The following BCAM variants were observed in gnomAD, a reference collection of about 807,000 sequenced individuals.
BCAM encodes basal cell adhesion molecule.
BCAM carries 61 observed loss-of-function variants against 72.4 expected under a neutral mutation model. The ratio of observed to expected loss-of-function variants is 0.84; its 90% CI spans 0.69 to 1.04. The LOEUF (loss-of-function observed/expected upper bound fraction) is 1.04. BCAM is among the 50% of genes least tolerant of loss of function. BCAM has a pLI of 0.00. For missense variants in BCAM, 909 were observed against 895.0 expected (o/e 1.02, Z -0.20); for synonymous variants, 408 against 384.2 (o/e 1.06, Z -0.73).
rs963419542 is a variant in BCAM at position 44,819,501 on chromosome 19, G to A, written c.1618+11G>A. On this transcript the variant is annotated intron_variant, in intron 12 of 14. Transcript: ENST00000270233. ...TCCACTTCGGCACCGGTGAGTGACTGAGGTGGTGGCAGAGGAGCCGGGTGT... is the reference window on the plus strand; with the variant it reads ...TCCACTTCGGCACCGGTGAGTGACTAAGGTGGTGGCAGAGGAGCCGGGTGT... The A allele has an allele frequency of 6.2e-7, 1 of 1,613,896 alleles. No homozygotes were observed. Among genetic ancestry groups the A allele is most frequent in the African/African-American group, 1.3e-5 (1 of 75,014 alleles).
At chr19:44,816,135 T>C (rs990325665) in intron 8 of BCAM, among the ~76,000 whole-genome samples, 3 of 151,898 alleles carry the variant, frequency 2.0e-5, no homozygotes, top group African/African-American at 4.8e-5. Flanking sequence ...CTGGCCAACA[T>C]AGTGAAACCC....
In BCAM at chr19:44,814,149, T is replaced by C; in HGVS notation, c.785-3T>C. ...AATTCCCATCTCCCTGCCCTTCCCT[T>C]AGATCCCACGGAGCACGTGCAGTTC... On this transcript the variant is annotated splice_polypyrimidine_tract_variant and splice_region_variant and intron_variant, in intron 6 of 14. Transcript: ENST00000270233. This position sits in a 1 kb window ranked among gnomAD's most constrained non-coding sequence, Gnocchi z 4.6. The C allele has an allele frequency of 6.3e-7, 1 of 1,579,522 alleles. No homozygotes were observed. The highest frequency in any genetic ancestry group is 8.5e-7 in the Non-Finnish European group (1 of 1,170,202).
chr19:44,809,726 G>A (rs576417677), intron 1 of BCAM, among the ~76,000 whole-genome samples: 3 of 152,172 alleles, frequency 2.0e-5, no homozygotes, highest in Admixed American at 6.6e-5. Flanking sequence ...TAAAGAACCC[G>A]CCTCCCTCAG....
In BCAM at chr19:44,813,459, C is replaced by G. The variant is rs779988721; in HGVS notation, c.623C>G (p.Thr208Arg). The stretch of plus-strand genomic sequence containing the variant: ...CCAGAGGGCTACATGACCAGCCGCA[C>G]GGTCCGGGAGGCCTCGGGCCTGCTC... ...MNPEGYMTSR[T>R]VREASGLLSL... The change falls in exon 6 of 15, where the codon ACG becomes AGG. Residue 208 changes from threonine to arginine, a missense_variant. By Grantham distance (71) the Thr-to-Arg change is moderately conservative. Transcript: ENST00000270233. The surrounding 1 kb of genome is among the most constrained non-coding windows in gnomAD (Gnocchi z 4.2). 3 of 1,611,304 alleles carry G rather than the reference C, an allele frequency of 1.9e-6. No individual in the cohort carries two copies. In the African/African-American group the frequency reaches 4.0e-5, roughly 22 times the overall value.
chr19:44,812,261 A>G lies in BCAM; in HGVS notation c.303A>G (p.Pro101=), dbSNP rs1332540040. 1 of 1,610,492 alleles carries G rather than the reference A, an allele frequency of 6.2e-7. No individual in the cohort carries two copies. Among genetic ancestry groups the G allele is most frequent in the South Asian group, 1.1e-5 (1 of 90,960 alleles). The change falls in exon 3 of 15, where the codon CCA becomes CCG. Residue 101 remains proline (P), a synonymous_variant. Coordinates refer to ENST00000270233, the MANE Select transcript of BCAM (RefSeq NM_005581.5). This position sits in a 1 kb window ranked among gnomAD's most constrained non-coding sequence, Gnocchi z 5.3. ...ACGACACCCGGGGCCGCAGTCCCCCATACCAGCTGGACTCCCAGGGGCGCC... is the reference window on the plus strand; with the variant it reads ...ACGACACCCGGGGCCGCAGTCCCCCGTACCAGCTGGACTCCCAGGGGCGCC... ...TMHDTRGRSP[P]YQLDSQGRLV... is the part of the protein sequence containing the mutation.
chr19:44,812,741 G>A lies in BCAM; in HGVS notation c.504+193G>A. ...GAGGCAGGCGGATCACCTGAGGTCA[G>A]GAGTTCCAGACCAGCCTGGCCAACA... On this transcript the variant is annotated intron_variant, in intron 4 of 14. Coordinates refer to ENST00000270233, the MANE Select transcript of BCAM (RefSeq NM_005581.5). The surrounding 1 kb of genome is among the most constrained non-coding windows in gnomAD (Gnocchi z 5.3). 1 of 620,558 alleles carries A rather than the reference G, an allele frequency of 1.6e-6. No individual in the cohort carries two copies. Among genetic ancestry groups the A allele is most frequent in the South Asian group, 2.0e-5 (1 of 50,592 alleles). The allele number at this position is 620,558 out of a possible 1,614,324, so 38.4% of individuals were successfully genotyped here.
chr19:44,811,280 A>G lies in BCAM; in HGVS notation c.138A>G (p.Gly46=), dbSNP rs1434388523. 2 of 1,613,206 alleles carry G rather than the reference A, an allele frequency of 1.2e-6. No individual in the cohort carries two copies. The highest frequency in any genetic ancestry group is 8.5e-7 in the Non-Finnish European group (1 of 1,179,926). Reference sequence around the variant, plus strand: ...CCCCGCTGGTGGAGGTGATGCGAGGAAAGTCTGTCATTCTGGACTGCACCC... The same window carrying G: ...CCCCGCTGGTGGAGGTGATGCGAGGGAAGTCTGTCATTCTGGACTGCACCC... The part of the protein sequence containing the change: ...SVPPLVEVMR[G]KSVILDCTPT... Residue 46 remains glycine, a synonymous_variant, in exon 2 of 15, where the codon GGA becomes GGG. Transcript: ENST00000270233.
At chr19:44,811,482 C>T (rs1968419156) in intron 2 of BCAM, 136 bp downstream of exon 2, 9 of 1,452,926 alleles carry the variant, frequency 6.2e-6, no homozygotes, top group Middle Eastern at 1.9e-4. Context: ...CTGAGTCCCA[C>T]TGAGGGGAAG....
Position 44,812,165 on chromosome 19 carries a change from C to A in BCAM, c.207C>A (p.Thr69=), listed in dbSNP as rs1251047100. 1 of 1,599,092 alleles carries A rather than the reference C, an allele frequency of 6.3e-7. No homozygotes were observed. Among genetic ancestry groups the A allele is most frequent in the Non-Finnish European group, 8.5e-7 (1 of 1,176,466 alleles). ...GAGAGCCTGCCCCGCGCCCACAGAC[C>A]GACCGCTCGGGAGCTCGCCCCCGCC... ...HDHYMLEWFL[T]DRSGARPRLA... Residue 69 remains threonine (T), a splice_region_variant and synonymous_variant, in exon 3 of 15, where the codon ACC becomes ACA. Transcript: ENST00000270233. The surrounding 1 kb of genome is among the most constrained non-coding windows in gnomAD (Gnocchi z 5.3).
In BCAM at chr19:44,819,138, C is replaced by T; in HGVS notation, c.1419C>T (p.Cys473=). 6.2e-7 allele frequency: 1 copy of T among 1,614,152 alleles called. No individual in the cohort carries two copies. The highest frequency in any genetic ancestry group is 8.5e-7 in the Non-Finnish European group (1 of 1,180,002). Residue 473 remains cysteine, a synonymous_variant, in exon 11 of 15, where the codon TGC becomes TGT. Transcript: ENST00000270233. ...WREGDEVTLI[C]SARGHPDPKL... ...AAGGAGACGAAGTCACACTCATCTG[C>T]TCTGCCCGCGGCCATCCAGACCCCA...
At position 44,813,729 on chromosome 19, in the gene BCAM, T is replaced by G; in HGVS notation, c.784+109T>G. On this transcript the variant is annotated intron_variant, in intron 6 of 14. Transcript: ENST00000270233. The surrounding 1 kb of genome is among the most constrained non-coding windows in gnomAD (Gnocchi z 4.2). The stretch of plus-strand genomic sequence containing the variant: ...CCCTCTGACCCTCTGCCTCCCTACT[T>G]CATGCTAAAAAAAAATGTGCTAGTG... 7.1e-7 allele frequency: 1 copy of G among 1,412,846 alleles called. No individual in the cohort carries two copies. Among genetic ancestry groups the G allele is most frequent in the Non-Finnish European group, 9.5e-7 (1 of 1,056,042 alleles). The allele number at this position is 1,412,846 out of a possible 1,614,324, so 87.5% of individuals were successfully genotyped here.
Position 44,814,281 on chromosome 19 carries a change from G to T in BCAM, c.914G>T (p.Arg305Leu), listed in dbSNP as rs202122474. The change falls in exon 7 of 15, where the codon CGC (arginine) becomes CTC (leucine). Residue 305 changes from arginine to leucine, a missense_variant. Physicochemically the swap from Arg to Leu is moderately radical, Grantham distance 102. Coordinates refer to ENST00000270233, the MANE Select transcript of BCAM (RefSeq NM_005581.5). This position sits in a 1 kb window ranked among gnomAD's most constrained non-coding sequence, Gnocchi z 4.6. ...GSPSPEYTLFRLQDEQEEVLN... is the reference protein window; with the variant it reads ...GSPSPEYTLFLLQDEQEEVLN... The stretch of plus-strand genomic sequence containing the variant: ...CCCAGCCCGGAGTATACGCTTTTCC[G>T]CCTTCAGGTGACCCACCCAAGGGTC... The T allele has an allele frequency of 6.3e-7, 1 of 1,594,118 alleles. No individual in the cohort carries two copies. The highest frequency in any genetic ancestry group is 1.7e-4 in the Middle Eastern group (1 of 5,982).
Position 44,821,023 on chromosome 19 carries a change from T to TCCCTCTC in BCAM, c.*105_*111dup, listed in dbSNP as rs1411406488. On this transcript the variant is annotated 3_prime_UTR_variant, in exon 15 of 15. Transcript: ENST00000270233. The stretch of plus-strand genomic sequence containing the variant: ...CGCCCCCGCCTTCCCTCTTCCCTCT[T>TCCCTCTC]CCCTCTCCCTGCCCAGCCCTCCCTT... 3.9e-4 allele frequency: 506 copies of TCCCTCTC among 1,310,984 alleles called. No individual in the cohort carries two copies. The highest frequency in any genetic ancestry group is 6.3e-4 in the Admixed American group (20 of 31,776). 81.2% of individuals were successfully genotyped at this position (1,310,984 alleles called of 1,614,324 possible).
At chr19:44,820,673 C>G in intron 13 of BCAM, 32 bp from the exon 14 acceptor site, 1 of 1,390,770 alleles carries the variant, frequency 7.2e-7, no homozygotes, top group African/African-American at 1.5e-5. Flanking sequence ...ACCTCCAACA[C>G]GACGCCTCCG....
Position 44,814,791 on chromosome 19 carries a change from A to C in BCAM, c.1078+31A>C. 1.3e-6 allele frequency: 2 copies of C among 1,584,902 alleles called. No individual in the cohort carries two copies. Among genetic ancestry groups the C allele is most frequent in the Non-Finnish European group, 1.7e-6 (2 of 1,165,348 alleles). ...AGCCCTGGGTGAACGGGCGGGCAGG[A>C]GGGGCCCTGGCATCAGTGCCTCTGC... On this transcript the variant is annotated intron_variant, in intron 8 of 14. Coordinates refer to ENST00000270233, the MANE Select transcript of BCAM (RefSeq NM_005581.5). The surrounding 1 kb of genome is among the most constrained non-coding windows in gnomAD (Gnocchi z 4.6).
intron 1 of BCAM, among the ~76,000 whole-genome samples, chr19:44,810,556 A>G (rs895271960): frequency 7.9e-5 from 12 of 152,148 alleles, no homozygotes; most frequent in African/African-American, 2.9e-4. Flanking sequence ...GTGCAGGTGC[A>G]GAGAGAGGCA....
chr19:44,820,024 C>A lies in BCAM; in HGVS notation c.1763+298C>A, dbSNP rs1168897428. ...ACCATCCCCTTCCCTAATCACCTCT[C>A]CTGCCCCTAGCTCAGCCTCATCCCC... is the stretch of plus-strand genomic sequence containing the variant. On this transcript the variant is annotated intron_variant, in intron 13 of 14. Coordinates refer to ENST00000270233, the MANE Select transcript of BCAM (RefSeq NM_005581.5). The A allele has an allele frequency of 1.4e-5, 18 of 1,288,068 alleles. No homozygotes were observed. The Admixed American group carries it at 4.0e-4, about 29-fold the overall frequency. 79.8% of individuals were successfully genotyped at this position (1,288,068 alleles called of 1,614,324 possible). A position where few individuals can be genotyped will look rare whatever the true frequency, so the allele number is the denominator to read the frequency against.
Position 44,814,653 on chromosome 19 carries a change from T to G in BCAM, c.971T>G (p.Leu324Arg). ...LNVNLEGNLT[L>R]EGVTRGQSGT... ...GTGAATCTCGAGGGGAACTTGACCC[T>G]GGAGGGAGTGACCCGGGGCCAGAGC... Residue 324 changes from leucine (L) to arginine (R), a missense_variant, in exon 8 of 15, where the codon CTG becomes CGG. Coordinates refer to ENST00000270233, the MANE Select transcript of BCAM (RefSeq NM_005581.5). This position sits in a 1 kb window ranked among gnomAD's most constrained non-coding sequence, Gnocchi z 4.6. The G allele has an allele frequency of 6.2e-7, 1 of 1,614,062 alleles. No homozygotes were observed. The highest frequency in any genetic ancestry group is 8.5e-7 in the Non-Finnish European group (1 of 1,179,996).
intron 8 of BCAM, among the ~76,000 whole-genome samples, chr19:44,816,319 TAAAA>T (rs1968503374): frequency 6.6e-6 from 1 of 151,790 alleles, no homozygotes; most frequent in Non-Finnish European, 1.5e-5. Flanking sequence ...CAGAAACAAA[TAAAA>T]GAAAGAAAGA....
Sources: allele counts gnomAD v4.1 joint callset (sites outside exome capture counted in the v4.1 genomes callset), GRCh38; gene constraint gnomAD v4.1.1; non-coding constraint Gnocchi (gnomAD v3.1); transcripts MANE v1.5; gene names NCBI Gene and HGNC (gene_info 2026-07-23, HGNC 2026-07-21).